RUNDC3A: variants seen among roughly 807,000 people sequenced by gnomAD.
RUNDC3A encodes RUN domain-containing protein 3A.
RUNDC3A carries 28 observed loss-of-function variants against 53.9 expected under a neutral mutation model. The ratio of observed to expected loss-of-function variants is 0.52; its 90% CI spans 0.38 to 0.71. RUNDC3A has a LOEUF of 0.71. Ranked by LOEUF, RUNDC3A falls within the 30% of genes least tolerant of loss-of-function variation. RUNDC3A has a pLI of 0.00. For synonymous variants in RUNDC3A, 232 were observed against 249.4 expected, an observed-to-expected ratio of 0.93 and a Z score of 0.66; for missense variants, 491 against 597.3, an observed-to-expected ratio of 0.82 and a Z score of 1.85.
Position 44,315,155 on chromosome 17 carries a change from C to A in RUNDC3A, c.630C>A (p.Ser210Arg). Residue 210 changes from serine (S) to arginine (R), a missense_variant and splice_region_variant, in exon 7 of 11, where the codon AGC (serine) becomes AGA (arginine). Physicochemically the swap from Ser to Arg is moderately radical, Grantham distance 110 (BLOSUM62 -1). Coordinates refer to ENST00000426726, the MANE Select transcript of RUNDC3A (RefSeq NM_001144825.2). The surrounding 1 kb of genome is among the most constrained non-coding windows in gnomAD (Gnocchi z 6.1). Reference sequence around the variant, plus strand: ...CGTGCCCACTGCTCCCTCTCCCAAGCTACGACTACCTGACGGACGAGGAGG... The same window carrying A: ...CGTGCCCACTGCTCCCTCTCCCAAGATACGACTACCTGACGGACGAGGAGG... Reference protein sequence around the residue: ...DYTPYLKFTQSYDYLTDEEER... With the variant: ...DYTPYLKFTQRYDYLTDEEER... 6.3e-7 allele frequency: 1 copy of A among 1,575,812 alleles called. No homozygotes were observed. The highest frequency in any genetic ancestry group is 8.6e-7 in the Non-Finnish European group (1 of 1,160,422).
In RUNDC3A at chr17:44,315,594, A is replaced by G; in HGVS notation, c.938A>G (p.Glu313Gly). The G allele has an allele frequency of 6.7e-7, 1 of 1,501,444 alleles. No individual in the cohort carries two copies. Among genetic ancestry groups the G allele is most frequent in the Admixed American group, 2.2e-5 (1 of 45,102 alleles). The allele number at this position is 1,501,444 out of a possible 1,614,324, so 93.0% of individuals were successfully genotyped here. A position where few individuals can be genotyped will look rare whatever the true frequency, so the allele number is the denominator to read the frequency against. The stretch of plus-strand genomic sequence containing the variant: ...CGGGAGCTGGAAGGCGTGATCCTGG[A>G]GCTGCAGGAGCAGCTGTGAGCGCAC... ...EKRELEGVIL[E>G]LQEQLTGLIP... Residue 313 changes from glutamate to glycine, a missense_variant, in exon 8 of 11, where the codon GAG becomes GGG. Glu to Gly is a moderately conservative substitution (Grantham distance 98). Transcript: ENST00000426726. The surrounding 1 kb of genome is among the most constrained non-coding windows in gnomAD (Gnocchi z 6.1).
At chr17:44,312,072 C>T (rs929351416) in intron 1 of RUNDC3A, among the ~76,000 whole-genome samples, 1 of 152,198 alleles carries the variant, frequency 6.6e-6, no homozygotes, top group Admixed American at 6.5e-5. Context: ...ACAGTGCCAA[C>T]TCACATGCCC....
chr17:44,310,340 T>C (rs956814790), intron 1 of RUNDC3A, among the ~76,000 whole-genome samples: 18 of 152,230 alleles, frequency 1.2e-4, no homozygotes, highest in South Asian at 2.1e-4. Flanking sequence ...GAAAGAGCCC[T>C]GTCCTAATGA....
At chr17:44,313,755 C>G in intron 4 of RUNDC3A, 1 of 1,143,834 alleles carries the variant, frequency 8.7e-7, no homozygotes, top group Non-Finnish European at 1.1e-6. Flanking sequence ...GATCTCGGCT[C>G]ACTGCAACCT....
intron 1 of RUNDC3A, among the ~76,000 whole-genome samples, chr17:44,309,500 C>G (rs916365861): frequency 6.6e-6 from 1 of 152,124 alleles, no homozygotes; most frequent in African/African-American, 2.4e-5. Flanking sequence ...GTTCCAGGTT[C>G]AAGGGGAGAA....
At position 44,315,136 on chromosome 17, in the gene RUNDC3A, C is replaced by G. The variant is rs531010083; in HGVS notation, c.630-19C>G. 3 of 1,585,048 alleles carry G rather than the reference C, an allele frequency of 1.9e-6. No homozygotes were observed. The highest frequency in any genetic ancestry group is 8.6e-7 in the Non-Finnish European group (1 of 1,165,186). On this transcript the variant is annotated intron_variant, in intron 6 of 10. Transcript: ENST00000426726. The surrounding 1 kb of genome is among the most constrained non-coding windows in gnomAD (Gnocchi z 6.1). ...GGGGAGGGGCGGGACCGGCCGTGCCCACTGCTCCCTCTCCCAAGCTACGAC... is the reference window on the plus strand; with the variant it reads ...GGGGAGGGGCGGGACCGGCCGTGCCGACTGCTCCCTCTCCCAAGCTACGAC...
chr17:44,317,376 CG>C (rs2047888657), intron 10 of RUNDC3A: 7 of 757,244 alleles, frequency 9.2e-6, no homozygotes, highest in Admixed American at 5.4e-5. Context: ...ATGACATCCT[CG>C]GGGGCTCACA....
chr17:44,314,686 GGGC>G (rs368566898), intron 4 of RUNDC3A, 46 bp from the exon 5 acceptor site: 3 of 1,187,910 alleles, frequency 2.5e-6, no homozygotes, highest in South Asian at 2.9e-5. Context: ...GGGGGGGGGG[GGGC>G]GCTCCAGGGG....
chr17:44,313,267 G>A lies in RUNDC3A; in HGVS notation c.372+15G>A. 1 of 1,613,680 alleles carries A rather than the reference G, an allele frequency of 6.2e-7. No homozygotes were observed. On this transcript the variant is annotated intron_variant, in intron 3 of 10. Coordinates refer to ENST00000426726, the MANE Select transcript of RUNDC3A (RefSeq NM_001144825.2). ...CCCGGGCCAAGGTGAGGGGCCTGAA[G>A]CAAGCAACTGCTCTCTGCTCTGGAC...
At chr17:44,312,270 A>G (rs926979726) in intron 1 of RUNDC3A, among the ~76,000 whole-genome samples, 1 of 151,348 alleles carries the variant, frequency 6.6e-6, no homozygotes, top group African/African-American at 2.4e-5. Flanking sequence ...TCATCTTCCT[A>G]TTTTTTCAGT....
At chr17:44,309,288 C>A (rs1215261655) in intron 1 of RUNDC3A, among the ~76,000 whole-genome samples, 1 of 152,128 alleles carries the variant, frequency 6.6e-6, no homozygotes, top group Admixed American at 6.5e-5. Context: ...ACAGAGGGGA[C>A]CCCGTGGGGG....
At position 44,315,638 on chromosome 17, in the gene RUNDC3A, A is replaced by C. The variant is rs2047847298; in HGVS notation, c.953+29A>C. 7.2e-7 allele frequency: 1 copy of C among 1,383,296 alleles called. No individual in the cohort carries two copies. Among genetic ancestry groups the C allele is most frequent in the Non-Finnish European group, 9.5e-7 (1 of 1,057,156 alleles). The allele number at this position is 1,383,296 out of a possible 1,614,324, so 85.7% of individuals were successfully genotyped here. ...AGCGCACGGCCTGCCCTAACCCCTG[A>C]CCCCCGCCGCCCCGACCACATCACC... On this transcript the variant is annotated intron_variant, in intron 8 of 10. Coordinates refer to ENST00000426726, the MANE Select transcript of RUNDC3A (RefSeq NM_001144825.2). This position sits in a 1 kb window ranked among gnomAD's most constrained non-coding sequence, Gnocchi z 6.1.
At position 44,318,209 on chromosome 17, in the gene RUNDC3A, G is replaced by A. The variant is rs192961919; in HGVS notation, c.1312G>A (p.Glu438Lys). The A allele has an allele frequency of 3.3e-4, 509 of 1,551,242 alleles. 2 individuals carry two copies. Among genetic ancestry groups the A allele is most frequent in the East Asian group, 2.8e-3 (116 of 40,914 alleles). Residue 438 changes from glutamate (E) to lysine (K), a missense_variant, in exon 11 of 11, where the codon GAG (glutamate) becomes AAG (lysine). By Grantham distance (56) the Glu-to-Lys change is moderately conservative. Coordinates refer to ENST00000426726, the MANE Select transcript of RUNDC3A (RefSeq NM_001144825.2). Reference sequence around the variant, plus strand: ...CGAGTGCCTGGTGAGCGACAGTCCCGAGGGCAGCCCAGCACTGAGCCCCAG... The same window carrying A: ...CGAGTGCCTGGTGAGCGACAGTCCCAAGGGCAGCCCAGCACTGAGCCCCAG... ...SNECLVSDSPEGSPALSPS is the reference protein window; with the variant it reads ...SNECLVSDSPKGSPALSPS
At position 44,318,563 on chromosome 17, in the gene RUNDC3A, A is replaced by C. The variant is rs1212166933; in HGVS notation, c.*325A>C. On this transcript the variant is annotated 3_prime_UTR_variant, in exon 11 of 11. Transcript: ENST00000426726. ...CAGGAACTGGTGGCCCAGCTTCCAC[A>C]CCCCCACCTCCCAGTCTCTAGCCTC... 3.0e-5 allele frequency: 9 copies of C among 301,182 alleles called. No homozygotes were observed. The highest frequency in any genetic ancestry group is 1.9e-4 in the East Asian group (3 of 15,954). The allele number at this position is 301,182 out of a possible 1,614,324, so 18.7% of individuals were successfully genotyped here. A position where few individuals can be genotyped will look rare whatever the true frequency, so the allele number is the denominator to read the frequency against.
At chr17:44,316,757 C>T in intron 10 of RUNDC3A, 32 bp downstream of exon 10, 1 of 1,467,402 alleles carries the variant, frequency 6.8e-7, no homozygotes, top group South Asian at 1.2e-5. Context: ...CCCAGTACCC[C>T]TCCAGAAAGG....
At position 44,315,627 on chromosome 17, in the gene RUNDC3A, C is replaced by T; in HGVS notation, c.953+18C>T. 1 of 1,432,874 alleles carries T rather than the reference C, an allele frequency of 7.0e-7. No individual in the cohort carries two copies. Among genetic ancestry groups the T allele is most frequent in the Non-Finnish European group, 9.2e-7 (1 of 1,084,612 alleles). 88.8% of individuals were successfully genotyped at this position (1,432,874 alleles called of 1,614,324 possible). A position where few individuals can be genotyped will look rare whatever the true frequency, so the allele number is the denominator to read the frequency against. ...GAGCAGCTGTGAGCGCACGGCCTGC[C>T]CTAACCCCTGACCCCCGCCGCCCCG... is the stretch of plus-strand genomic sequence containing the variant. On this transcript the variant is annotated intron_variant, in intron 8 of 10. Coordinates refer to ENST00000426726, the MANE Select transcript of RUNDC3A (RefSeq NM_001144825.2). This position sits in a 1 kb window ranked among gnomAD's most constrained non-coding sequence, Gnocchi z 6.1.
chr17:44,314,218 C>A (rs996730344), intron 4 of RUNDC3A: 2 of 1,005,706 alleles, frequency 2.0e-6, no homozygotes, highest in South Asian at 4.2e-5. Flanking sequence ...TCAATCCCTG[C>A]ACTGTGGGTT....
chr17:44,310,617 G>A (rs2144671759), intron 1 of RUNDC3A: 4 of 836,692 alleles, frequency 4.8e-6, no homozygotes, highest in Non-Finnish European at 5.8e-6. Context: ...CCAGCTCCCA[G>A]AACAGCTCCC....
Position 44,318,362 on chromosome 17 carries a change from C to T in RUNDC3A, c.*124C>T, listed in dbSNP as rs1268798081. On this transcript the variant is annotated 3_prime_UTR_variant, in exon 11 of 11. Transcript: ENST00000426726. ...GAACGCTACCCACCCAGCCAGGGTT[C>T]TCTCGGGGAAGATCTCGTCTGCTCA... is the stretch of plus-strand genomic sequence containing the variant. 8.9e-7 allele frequency: 1 copy of T among 1,117,336 alleles called. No individual in the cohort carries two copies. The highest frequency in any genetic ancestry group is 1.3e-6 in the Non-Finnish European group (1 of 787,348). 69.2% of individuals were successfully genotyped at this position (1,117,336 alleles called of 1,614,324 possible).
Sources: allele counts gnomAD v4.1 joint callset (sites outside exome capture counted in the v4.1 genomes callset), GRCh38; gene constraint gnomAD v4.1.1; non-coding constraint Gnocchi (gnomAD v3.1); transcripts MANE v1.5; gene names NCBI Gene and HGNC (gene_info 2026-07-23, HGNC 2026-07-21).